RARB: variants seen among roughly 807,000 people sequenced by gnomAD.
RARB encodes the protein retinoic acid receptor beta, also known as HBV-activated protein.
Under a neutral mutation model 51.9 loss-of-function variants are expected in RARB, and 17 were observed. That is an observed-to-expected ratio of 0.33 (90% CI 0.22 to 0.49). The LOEUF is 0.49. Among genes scored for constraint, RARB ranks in the 20% least tolerant of loss-of-function variants. RARB has a pLI of 0.99. For synonymous variants in RARB, 215 were observed against 195.4 expected, an observed-to-expected ratio of 1.10 and a Z score of -0.84; for missense variants, 369 against 550.8, an observed-to-expected ratio of 0.67 and a Z score of 3.30.
At chr3:25,520,956 C>T (rs1698376329) in intron 3 of RARB, among the ~76,000 whole-genome samples, 1 of 152,160 alleles carries the variant, frequency 6.6e-6, no homozygotes, top group South Asian at 2.1e-4. Context: ...CACAAAAGTC[C>T]TCATTCCTAC....
rs529297818 is a variant in RARB at position 25,417,102 on chromosome 3, C to A, written c.179-44091C>A. ...GAACAAGCCTAAGCCTGGAACTGAG[C>A]CTTTCCTTAGAAGCCGCTGGTAATG... is the stretch of plus-strand genomic sequence containing the variant. On this transcript the variant is annotated intron_variant, in intron 5 of 11. Coordinates refer to the RARB transcript ENST00000383772. Among the ~76,000 whole-genome samples, 3 of 152,072 alleles carry A rather than the reference C, an allele frequency of 2.0e-5. No homozygotes were observed. In the South Asian group the frequency reaches 6.2e-4, roughly 32 times the overall value.
chr3:24,924,629 C>T (rs1436593473), intron 2 of RARB, among the ~76,000 whole-genome samples: 1 of 152,118 alleles, frequency 6.6e-6, no homozygotes, highest in Non-Finnish European at 1.5e-5. Flanking sequence ...AGCTACATGA[C>T]AATTGTGTCA....
At chr3:25,412,210 T>G (rs1707581120) in intron 5 of RARB, among the ~76,000 whole-genome samples, 1 of 152,194 alleles carries the variant, frequency 6.6e-6, no homozygotes, top group African/African-American at 2.4e-5. Context: ...TATTTTTCTT[T>G]TGTCTTCCTT....
At chr3:24,881,064 C>G (rs1413461775) in intron 2 of RARB, among the ~76,000 whole-genome samples, 1 of 152,142 alleles carries the variant, frequency 6.6e-6, no homozygotes. Flanking sequence ...ATGCTGTTCT[C>G]ATGATAGTGA....
intron 3 of RARB, among the ~76,000 whole-genome samples, chr3:25,097,257 T>A (rs976705458): frequency 2.0e-5 from 3 of 152,118 alleles, no homozygotes; most frequent in Admixed American, 2.0e-4. Flanking sequence ...CAAACACTAT[T>A]TGATGACTGT....
intron 2 of RARB, among the ~76,000 whole-genome samples, chr3:24,914,416 T>A (rs977694944): frequency 6.6e-6 from 1 of 152,098 alleles, no homozygotes; most frequent in Non-Finnish European, 1.5e-5. Flanking sequence ...ATAGGCCTTA[T>A]CCTGCTTGCT....
intron 2 of RARB, chr3:25,025,049 C>T (rs1335950691): frequency 1.3e-5 from 2 of 151,400 alleles, no homozygotes; most frequent in Non-Finnish European, 1.5e-5. Context: ...CATCTGATCT[C>T]AGAAGTTAAG....
chr3:25,009,029 A>G (rs569914053), intron 2 of RARB, among the ~76,000 whole-genome samples: 4 of 152,282 alleles, frequency 2.6e-5, no homozygotes, highest in African/African-American at 9.6e-5. Flanking sequence ...CCGAAGAAGC[A>G]GAGTGACCTG....
At chr3:25,044,358 T>TA (rs1023488824) in intron 2 of RARB, among the ~76,000 whole-genome samples, 5 of 152,338 alleles carry the variant, frequency 3.3e-5, no homozygotes, top group Admixed American at 3.3e-4. Flanking sequence ...TGAGTCTGCC[T>TA]ACTGTTGTAT....
intron 5 of RARB, among the ~76,000 whole-genome samples, chr3:25,421,535 C>A (rs1439045349): frequency 6.6e-6 from 1 of 151,110 alleles, no homozygotes; most frequent in Non-Finnish European, 1.5e-5. Flanking sequence ...CCTTAGCCTC[C>A]CGCGTAGCTG....
Position 25,036,662 on chromosome 3 carries a change from A to G in RARB, c.-379-23463A>G, listed in dbSNP as rs1698000857. ...CCTGGACCTCAGGCTTTGTGCCCAC[A>G]CCAGTACCTGAGTGTGGTGCCAACA... On this transcript the variant is annotated intron_variant, in intron 2 of 11. Transcript: ENST00000383772. 2.6e-5 allele frequency among the ~76,000 whole-genome samples: 4 copies of G among 152,164 alleles called. No homozygotes were observed. The East Asian group carries it at 5.8e-4, about 22-fold the overall frequency.
chr3:25,259,275 A>C (rs1291189823), intron 5 of RARB, among the ~76,000 whole-genome samples: 1 of 152,112 alleles, frequency 6.6e-6, no homozygotes, highest in Admixed American at 6.6e-5. Context: ...TCAGACAGAG[A>C]CTGGATCTCC....
chr3:25,087,203 T>C (rs1001069330), intron 3 of RARB, among the ~76,000 whole-genome samples: 2 of 152,164 alleles, frequency 1.3e-5, no homozygotes, highest in African/African-American at 4.8e-5. Flanking sequence ...GAGGAAGGTA[T>C]ATTGAGGCCT....
At chr3:25,268,960 A>T (rs1703188517) in intron 5 of RARB, among the ~76,000 whole-genome samples, 1 of 152,222 alleles carries the variant, frequency 6.6e-6, no homozygotes, top group South Asian at 2.1e-4. Flanking sequence ...AAACTCAAAT[A>T]GTATCTAGCA....
chr3:25,040,264 T>C (rs917022522), intron 2 of RARB, among the ~76,000 whole-genome samples: 3 of 152,204 alleles, frequency 2.0e-5, no homozygotes, highest in African/African-American at 7.2e-5. Flanking sequence ...GCACTTGGCC[T>C]TTTTTATATA....
intron 5 of RARB, among the ~76,000 whole-genome samples, chr3:25,304,983 C>G (rs951954838): frequency 1.1e-4 from 16 of 152,156 alleles, no homozygotes; most frequent in African/African-American, 3.4e-4. Flanking sequence ...TTCAGGGTTG[C>G]TGTACCCTAC....
chr3:25,426,509 G>T (rs1423017546), upstream of RARB, among the ~76,000 whole-genome samples: 1 of 152,250 alleles, frequency 6.6e-6, no homozygotes, highest in Non-Finnish European at 1.5e-5. Context: ...AGACAGGGCA[G>T]TGTTTCAGCA....
At chr3:25,171,551 G>T (rs1249809995) in intron 4 of RARB, among the ~76,000 whole-genome samples, 1 of 108,392 alleles carries the variant, frequency 9.2e-6, no homozygotes, top group African/African-American at 3.6e-5. Context: ...AGACAGGCAA[G>T]ATGCTGACAA....
intron 4 of RARB, among the ~76,000 whole-genome samples, chr3:25,162,069 G>C (rs555081820): frequency 1.3e-5 from 2 of 152,178 alleles, no homozygotes; most frequent in South Asian, 4.2e-4. Flanking sequence ...TGGGTGTGTG[G>C]GTTGGTTTGT....
Sources: allele counts gnomAD v4.1 joint callset (sites outside exome capture counted in the v4.1 genomes callset), GRCh38; gene constraint gnomAD v4.1.1; transcripts MANE v1.5; gene names NCBI Gene and HGNC (gene_info 2026-07-23, HGNC 2026-07-21).